ADAMTS17: variants seen among roughly 807,000 people sequenced by gnomAD.
ADAMTS17 encodes the protein A disintegrin and metalloproteinase with thrombospondin motifs 17.
ADAMTS17 carries 113 observed loss-of-function variants against 141.5 expected under a neutral mutation model. That is an observed-to-expected ratio of 0.80 (90% CI 0.69 to 0.93). The LOEUF (loss-of-function observed/expected upper bound fraction) is 0.93. Among genes scored for constraint, ADAMTS17 ranks in the 40% least tolerant of loss-of-function variants. The probability of loss-of-function intolerance (pLI) is 0.00; values close to 1 mark genes in which losing one functional copy is unlikely to be tolerated. For missense variants in ADAMTS17, 1,659 were observed against 1,517.9 expected, an observed-to-expected ratio of 1.09 and a Z score of -1.54; for synonymous variants, 768 against 630.6, an observed-to-expected ratio of 1.22 and a Z score of -3.27.
At chr15:99,999,912 C>T (rs114355972) in intron 18 of ADAMTS17, among the ~76,000 whole-genome samples, 1,832 of 152,292 alleles carry the variant, frequency 0.012, 51 homozygotes, top group African/African-American at 0.04. Context: ...GAGCTAAGTT[C>T]CAATCCTCTT....
chr15:100,088,252 G>C (rs1227353396), intron 15 of ADAMTS17, among the ~76,000 whole-genome samples: 1 of 152,120 alleles, frequency 6.6e-6, no homozygotes. Context: ...GCTTCAAAGA[G>C]AATAAAATAC....
intron 4 of ADAMTS17, among the ~76,000 whole-genome samples, chr15:100,265,952 ACACC>A (rs2043700333): frequency 6.6e-6 from 1 of 152,148 alleles, no homozygotes; most frequent in Non-Finnish European, 1.5e-5. Context: ...ACCCTGCTCC[ACACC>A]CACCGGAGTG....
intron 18 of ADAMTS17, among the ~76,000 whole-genome samples, chr15:100,019,038 T>C (rs183928854): frequency 5.3e-5 from 8 of 152,286 alleles, no homozygotes; most frequent in Admixed American, 5.2e-4. Context: ...CATAATTGTA[T>C]AAACCTCAAA....
At chr15:100,141,123 T>C (rs1160192447) in intron 10 of ADAMTS17, among the ~76,000 whole-genome samples, 1 of 152,244 alleles carries the variant, frequency 6.6e-6, no homozygotes, top group African/African-American at 2.4e-5. Flanking sequence ...GTCACCTCAC[T>C]GGCTACGCTT....
At chr15:100,023,254 T>G (rs2061437670) in intron 18 of ADAMTS17, among the ~76,000 whole-genome samples, 1 of 152,060 alleles carries the variant, frequency 6.6e-6, no homozygotes. Context: ...CAGGATAAAG[T>G]GCAGTGGTGT....
chr15:100,275,736 G>A (rs1322943084), intron 4 of ADAMTS17, among the ~76,000 whole-genome samples: 1 of 151,994 alleles, frequency 6.6e-6, no homozygotes, highest in Non-Finnish European at 1.5e-5. Context: ...TTTGCCATCT[G>A]GGACAGCTGG....
At chr15:100,205,462 T>C (rs994270690) in intron 7 of ADAMTS17, among the ~76,000 whole-genome samples, 8 of 152,142 alleles carry the variant, frequency 5.3e-5, no homozygotes, top group Non-Finnish European at 8.8e-5. Flanking sequence ...ATCGTGCAGA[T>C]TACCCACCTG....
At chr15:100,180,392 C>A (rs2141524927) in intron 8 of ADAMTS17, among the ~76,000 whole-genome samples, 1 of 152,256 alleles carries the variant, frequency 6.6e-6, no homozygotes, top group East Asian at 1.9e-4. Context: ...GTTTTAAATG[C>A]CAATACCCAT....
chr15:100,266,568 C>T (rs1023114764), intron 4 of ADAMTS17, among the ~76,000 whole-genome samples: 10 of 152,224 alleles, frequency 6.6e-5, no homozygotes, highest in Non-Finnish European at 1.3e-4. Context: ...TCTCCACACC[C>T]TGGCCTCCCC....
chr15:100,092,804 C>A (rs180938876), intron 15 of ADAMTS17, among the ~76,000 whole-genome samples: 3 of 152,294 alleles, frequency 2.0e-5, no homozygotes, highest in Admixed American at 2.0e-4. Flanking sequence ...ATCCGAAGCC[C>A]ACAGGTATCC....
chr15:100,336,782 A>G (rs1414813303), intron 2 of ADAMTS17, among the ~76,000 whole-genome samples: 1 of 152,192 alleles, frequency 6.6e-6, no homozygotes, highest in Non-Finnish European at 1.5e-5. Flanking sequence ...ACTCTTTTCT[A>G]AAGAAAGAAG....
chr15:100,297,157 G>A (rs1247492029), intron 3 of ADAMTS17, among the ~76,000 whole-genome samples: 5 of 152,152 alleles, frequency 3.3e-5, no homozygotes, highest in Non-Finnish European at 7.3e-5. Context: ...CAGAGAGTGG[G>A]AACAGCATAT....
At chr15:100,242,124 TACAA>T (rs1056554107) in intron 7 of ADAMTS17, among the ~76,000 whole-genome samples, 2 of 152,178 alleles carry the variant, frequency 1.3e-5, no homozygotes, top group Non-Finnish European at 2.9e-5. Context: ...ACACGCAAGC[TACAA>T]ACAAACATTC....
chr15:100,126,354 G>A (rs546944410), intron 12 of ADAMTS17: 82 of 152,348 alleles, frequency 5.4e-4, no homozygotes, highest in African/African-American at 1.9e-3. Flanking sequence ...ACAGAGCTAC[G>A]GTGCCACTGC....
intron 7 of ADAMTS17, among the ~76,000 whole-genome samples, chr15:100,213,193 G>T (rs757072097): frequency 1.1e-4 from 16 of 152,158 alleles, no homozygotes; most frequent in Non-Finnish European, 2.4e-4. Flanking sequence ...ATGTTTAACT[G>T]AATTGAACAT....
chr15:99,984,994 C>T (rs2060556517), intron 20 of ADAMTS17, among the ~76,000 whole-genome samples: 1 of 152,254 alleles, frequency 6.6e-6, no homozygotes, highest in African/African-American at 2.4e-5. Flanking sequence ...TCGGCATGGC[C>T]CTGCGGCCCG....
chr15:100,149,359 C>T (rs149292774), intron 10 of ADAMTS17, among the ~76,000 whole-genome samples: 190 of 152,324 alleles, frequency 1.2e-3, no homozygotes, highest in African/African-American at 4.2e-3. Context: ...ATCAGTATGT[C>T]AGTATGTTCA....
At chr15:100,112,722 C>A (rs2141121904) in intron 13 of ADAMTS17, among the ~76,000 whole-genome samples, 1 of 152,268 alleles carries the variant, frequency 6.6e-6, no homozygotes, top group East Asian at 1.9e-4. Context: ...CTGGTGTGTG[C>A]TGAGATGGAA....
At chr15:100,020,388 T>C (rs2061382088) in intron 18 of ADAMTS17, among the ~76,000 whole-genome samples, 2 of 152,180 alleles carry the variant, frequency 1.3e-5, no homozygotes, top group African/African-American at 4.8e-5. Context: ...AGCAACTGTG[T>C]TCGAAGGGGC....
Sources: gnomAD v4.1 joint callset for allele counts (sites outside exome capture counted in the v4.1 genomes callset) on GRCh38, gnomAD v4.1.1 for gene constraint, MANE v1.5 for transcripts, NCBI Gene and HGNC (gene_info 2026-07-23, HGNC 2026-07-21) for gene names.